Variants in NPR3 observed in about 807,000 individuals in gnomAD.
NPR3 encodes the protein atrial natriuretic peptide receptor 3.
NPR3 carries 34 observed loss-of-function variants against 54.5 expected under a neutral mutation model. The observed-to-expected ratio is 0.62, with a 90% CI of 0.47 to 0.83. The LOEUF is 0.83. NPR3 is among the 40% of genes least tolerant of loss of function. NPR3 has a pLI of 0.00. For missense variants in NPR3, 674 were observed against 720.8 expected (o/e 0.94, Z 0.74); for synonymous variants, 289 against 297.1 (o/e 0.97, Z 0.28).
At chr5:32,778,188 G>A (rs1279252144) in intron 4 of NPR3, among the ~76,000 whole-genome samples, 1 of 152,190 alleles carries the variant, frequency 6.6e-6, no homozygotes, top group South Asian at 2.1e-4. Flanking sequence ...CAGGCAATAT[G>A]AAATGAGTCC....
chr5:32,730,766 GT>G (rs1561091990), intron 2 of NPR3, among the ~76,000 whole-genome samples: 2 of 152,044 alleles, frequency 1.3e-5, no homozygotes, highest in Admixed American at 6.6e-5. Flanking sequence ...AAATGTCTAA[GT>G]TTTTTTGCTG....
upstream of NPR3, among the ~76,000 whole-genome samples, chr5:32,704,945 A>C (rs1259895779): frequency 6.6e-6 from 1 of 152,264 alleles, no homozygotes; most frequent in African/African-American, 2.4e-5. Context: ...TGAAGTGCAT[A>C]TAAGTGGTCT....
intron 3 of NPR3, among the ~76,000 whole-genome samples, chr5:32,746,786 T>C (rs1377407834): frequency 9.2e-5 from 14 of 152,162 alleles, no homozygotes. Context: ...GCCTGTAAAT[T>C]TCACTTTTGA....
intron 2 of NPR3, among the ~76,000 whole-genome samples, chr5:32,728,835 GTGTATATATATATATATATATATATA>G (rs1259835058): frequency 3.0e-4 from 18 of 60,634 alleles, no homozygotes; most frequent in East Asian, 6.8e-4. Context: ...GTGTGTGTGT[GTGTATATATATATATATATATATATA>G]TATATATATA....
chr5:32,706,098 G>A (rs1221933991), upstream of NPR3, among the ~76,000 whole-genome samples: 1 of 152,102 alleles, frequency 6.6e-6, no homozygotes, highest in Non-Finnish European at 1.5e-5. Context: ...CTTGGCAATA[G>A]TGAGTGAATT....
chr5:32,710,602 C>T, upstream of NPR3: 1 of 1,402,644 alleles, frequency 7.1e-7, no homozygotes, highest in Non-Finnish European at 9.3e-7. Flanking sequence ...GGGGCTGGCG[C>T]GGGGCTGAGG....
intron 2 of NPR3, among the ~76,000 whole-genome samples, chr5:32,729,035 GTTTT>G (rs57033344): frequency 2.5e-5 from 2 of 79,608 alleles, no homozygotes. Flanking sequence ...TTTTTGTTTT[GTTTT>G]TTTTTTTTGA....
At chr5:32,784,242 G>C (rs1237822722) in intron 6 of NPR3, among the ~76,000 whole-genome samples, 2 of 152,290 alleles carry the variant, frequency 1.3e-5, no homozygotes, top group East Asian at 3.9e-4. Context: ...AGACTCATGT[G>C]CAGTGGTGTG....
chr5:32,736,607 G>T (rs1739761789), intron 2 of NPR3, among the ~76,000 whole-genome samples: 1 of 152,176 alleles, frequency 6.6e-6, no homozygotes, highest in African/African-American at 2.4e-5. Flanking sequence ...GGACAAAGAT[G>T]TCCTGAGCAT....
chr5:32,790,158 C>A lies in NPR3; in HGVS notation c.*3813C>A, dbSNP rs773523637. The A allele has an allele frequency of 1.1e-5, 2 of 179,076 alleles. No homozygotes were observed. Among genetic ancestry groups the A allele is most frequent in the Admixed American group, 5.7e-5 (1 of 17,616 alleles). 11.1% of individuals were successfully genotyped at this position (179,076 alleles called of 1,614,324 possible). A position where few individuals can be genotyped will look rare whatever the true frequency, so the allele number is the denominator to read the frequency against. On this transcript the variant is annotated 3_prime_UTR_variant, in exon 8 of 8. Coordinates refer to ENST00000265074, the MANE Select transcript of NPR3 (RefSeq NM_001204375.2). ...TATATTTTAGAGGCAATTGTGGAAG[C>A]GGAGAGAATGAGATGATGGTGTTCA...
intron 3 of NPR3, among the ~76,000 whole-genome samples, chr5:32,754,392 G>A (rs1003675243): frequency 2.6e-5 from 4 of 152,004 alleles, no homozygotes; most frequent in East Asian, 1.9e-4. Context: ...AGTGATAGTA[G>A]CCAAAGACAA....
chr5:32,761,403 TA>T (rs1212216600), intron 3 of NPR3, among the ~76,000 whole-genome samples: 1 of 151,980 alleles, frequency 6.6e-6, no homozygotes, highest in Non-Finnish European at 1.5e-5. Flanking sequence ...TTCTGATTTT[TA>T]AAAAAAATAA....
At chr5:32,727,336 C>T (rs1205298820) in intron 2 of NPR3, among the ~76,000 whole-genome samples, 1 of 152,164 alleles carries the variant, frequency 6.6e-6, no homozygotes, top group Admixed American at 6.5e-5. Flanking sequence ...TCTTGTTGCC[C>T]AGGCTGGGCT....
chr5:32,758,567 T>G (rs1423183960), intron 3 of NPR3, among the ~76,000 whole-genome samples: 1 of 145,876 alleles, frequency 6.9e-6, no homozygotes, highest in Non-Finnish European at 1.5e-5. Context: ...CTGGATGCAT[T>G]GATTTTTTTG....
At chr5:32,723,007 A>C (rs1235595432) in intron 1 of NPR3, among the ~76,000 whole-genome samples, 2 of 152,138 alleles carry the variant, frequency 1.3e-5, no homozygotes, top group Admixed American at 1.3e-4. Flanking sequence ...CAGAGTCATG[A>C]TCTAACACTG....
chr5:32,704,174 C>T (rs1258088424), intron 1 of NPR3, among the ~76,000 whole-genome samples: 4 of 152,174 alleles, frequency 2.6e-5, no homozygotes, highest in African/African-American at 7.2e-5. Context: ...AGTCATTGCA[C>T]TCTGTCTCTC....
chr5:32,771,411 C>T (rs1463879974), intron 3 of NPR3, among the ~76,000 whole-genome samples: 4 of 152,162 alleles, frequency 2.6e-5, no homozygotes, highest in Admixed American at 1.3e-4. Context: ...ATTCAGGGCC[C>T]GTCTATTTCC....
intron 2 of NPR3, among the ~76,000 whole-genome samples, chr5:32,736,230 CAAAAAAA>C (rs56211529): frequency 1.5e-5 from 1 of 65,380 alleles, no homozygotes; most frequent in African/African-American, 5.3e-5. Context: ...CACTCTGTCT[CAAAAAAA>C]AAAAAAAAAA....
chr5:32,769,016 C>A (rs1252453126), intron 3 of NPR3, among the ~76,000 whole-genome samples: 1 of 152,262 alleles, frequency 6.6e-6, no homozygotes, highest in South Asian at 2.1e-4. Flanking sequence ...TTCAGCTTAA[C>A]TTTCCTCAAG....
Sources: gnomAD v4.1 joint callset for allele counts (sites outside exome capture counted in the v4.1 genomes callset) on GRCh38, gnomAD v4.1.1 for gene constraint, MANE v1.5 for transcripts, NCBI Gene and HGNC (gene_info 2026-07-23, HGNC 2026-07-21) for gene names.